The following CERKL variants were observed in gnomAD, a reference collection of about 807,000 sequenced individuals.
CERKL encodes ceramide kinase-like protein.
A neutral mutation model predicts 63.4 loss-of-function variants in CERKL; 61 were observed. The ratio of observed to expected loss-of-function variants is 0.96; its 90% confidence interval spans 0.78 to 1.19. The LOEUF is 1.19. CERKL is among the 50% of genes most tolerant of loss of function. The pLI is 0.00. For missense variants in CERKL, 675 were observed against 655.5 expected (o/e 1.03, Z -0.33); for synonymous variants, 250 against 230.5 (o/e 1.08, Z -0.77).
intron 3 of CERKL, among the ~76,000 whole-genome samples, chr2:181,572,709 C>A (rs763410252): frequency 1.7e-4 from 26 of 151,208 alleles, no homozygotes; most frequent in Non-Finnish European, 2.9e-4. Flanking sequence ...TTGAGTTTTT[C>A]ATGGTAGTTT....
intron 2 of CERKL, among the ~76,000 whole-genome samples, chr2:181,600,122 G>C (rs1456606906): frequency 1.3e-5 from 2 of 152,122 alleles, no homozygotes; most frequent in African/African-American, 4.8e-5. Context: ...ATAAATGAAG[G>C]AGAAATAAAG....
intron 1 of CERKL, among the ~76,000 whole-genome samples, chr2:181,636,239 A>G (rs1344003210): frequency 6.6e-6 from 1 of 152,182 alleles, no homozygotes; most frequent in East Asian, 1.9e-4. Flanking sequence ...CGCAGCGTCT[A>G]CTATCTATCC....
intron 1 of CERKL, among the ~76,000 whole-genome samples, chr2:181,636,531 T>A (rs1306820886): frequency 6.6e-6 from 1 of 152,048 alleles, no homozygotes; most frequent in Non-Finnish European, 1.5e-5. Context: ...CTTCCTCAAT[T>A]TTCAGGTTGA....
intron 1 of CERKL, among the ~76,000 whole-genome samples, chr2:181,654,733 AATATATC>A (rs59939380): frequency 0.097 from 14,710 of 152,114 alleles, 863 homozygotes; most frequent in East Asian, 0.16. Flanking sequence ...CTAACATTTA[AATATATC>A]ATCTCTTAAT....
chr2:181,601,736 T>A (rs1297190732), intron 2 of CERKL, among the ~76,000 whole-genome samples: 1 of 152,226 alleles, frequency 6.6e-6, no homozygotes, highest in Non-Finnish European at 1.5e-5. Flanking sequence ...TCCACTTTGG[T>A]GCAGAGATGG....
At chr2:181,624,212 T>A (rs1006574169) in intron 1 of CERKL, among the ~76,000 whole-genome samples, 1 of 152,100 alleles carries the variant, frequency 6.6e-6, no homozygotes, top group Admixed American at 6.6e-5. Context: ...AGAAGAACGA[T>A]GTGCTCTAAT....
At chr2:181,629,960 T>TG (rs1333845106) in intron 1 of CERKL, among the ~76,000 whole-genome samples, 5 of 101,754 alleles carry the variant, frequency 4.9e-5, no homozygotes, top group African/African-American at 9.8e-5. Context: ...ACCATTGTCT[T>TG]GGAAAAAAAA....
chr2:181,556,135 C>A (rs1489846744), intron 5 of CERKL, among the ~76,000 whole-genome samples: 4 of 152,010 alleles, frequency 2.6e-5, no homozygotes, highest in Non-Finnish European at 4.4e-5. Context: ...AAATTCAAGT[C>A]CAGTCTCTCT....
chr2:181,608,626 C>T (rs1685824503), intron 1 of CERKL, among the ~76,000 whole-genome samples: 1 of 152,062 alleles, frequency 6.6e-6, no homozygotes, highest in African/African-American at 2.4e-5. Context: ...AAACCAAAAG[C>T]CAACATCACA....
intron 1 of CERKL, among the ~76,000 whole-genome samples, chr2:181,634,987 T>C (rs1206406840): frequency 6.6e-6 from 1 of 152,176 alleles, no homozygotes; most frequent in African/African-American, 2.4e-5. Flanking sequence ...CTGAAAATCT[T>C]TGAAAAGTAA....
At position 181,577,565 on chromosome 2, in the gene CERKL, T is replaced by C. The variant is rs567283626; in HGVS notation, c.482-3681A>G. 6.6e-5 allele frequency among the ~76,000 whole-genome samples: 10 copies of C among 152,226 alleles called. No individual in the cohort carries two copies. In the East Asian group the frequency reaches 1.9e-3, roughly 29 times the overall value. On this transcript the variant is annotated intron_variant, in intron 2 of 12. Transcript: ENST00000410087. ...TACAACAAGAATGTGGGGGAAATAC[T>C]TAGAAAGGAGGTTGAAAATAAAGGA... is the stretch of plus-strand genomic sequence containing the variant.
chr2:181,635,755 T>A (rs1433984529), intron 1 of CERKL, among the ~76,000 whole-genome samples: 1 of 152,160 alleles, frequency 6.6e-6, no homozygotes, highest in African/African-American at 2.4e-5. Flanking sequence ...AATACCAACA[T>A]GGATATTTTA....
intron 12 of CERKL, among the ~76,000 whole-genome samples, chr2:181,538,465 T>C (rs1687314286): frequency 1.3e-5 from 2 of 152,202 alleles, no homozygotes; most frequent in East Asian, 3.9e-4. Flanking sequence ...TGTCCAATGC[T>C]CTCCATTACC....
chr2:181,650,393 C>T (rs1369651092), intron 1 of CERKL, among the ~76,000 whole-genome samples: 1 of 152,044 alleles, frequency 6.6e-6, no homozygotes, highest in African/African-American at 2.4e-5. Flanking sequence ...GTATTAAATG[C>T]CCATATCAAA....
intron 2 of CERKL, among the ~76,000 whole-genome samples, chr2:181,597,909 G>C (rs1168434852): frequency 1.3e-5 from 2 of 152,120 alleles, no homozygotes; most frequent in Non-Finnish European, 2.9e-5. Flanking sequence ...ATAAGGGAGA[G>C]GGACACAACT....
Position 181,538,177 on chromosome 2 carries a change from T to C in CERKL, c.*7A>G. The C allele has an allele frequency of 6.5e-7, 1 of 1,544,274 alleles. No homozygotes were observed. The highest frequency in any genetic ancestry group is 8.9e-7 in the Non-Finnish European group (1 of 1,118,174). ...GTTTGTACATTTCTTTTAGAAACAA[T>C]TACATGTTACTTTGGAATCATTTCT... On this transcript the variant is annotated 3_prime_UTR_variant, in exon 13 of 13. Transcript: ENST00000410087.
intron 1 of CERKL, among the ~76,000 whole-genome samples, chr2:181,611,025 C>T (rs1559104751): frequency 6.6e-6 from 1 of 151,960 alleles, no homozygotes; most frequent in East Asian, 1.9e-4. Context: ...GAGTTTGAGA[C>T]CAGCCTGACC....
intron 1 of CERKL, among the ~76,000 whole-genome samples, chr2:181,628,329 A>T (rs973937932): frequency 9.9e-5 from 15 of 152,160 alleles, no homozygotes; most frequent in South Asian, 2.1e-4. Context: ...TACTTTACCT[A>T]TTGGGAGAAG....
chr2:181,615,537 C>A (rs573344490), intron 1 of CERKL, among the ~76,000 whole-genome samples: 1 of 152,230 alleles, frequency 6.6e-6, no homozygotes, highest in Non-Finnish European at 1.5e-5. Context: ...GAAAAACAGG[C>A]CTGCCTGATA....
Sources: allele counts gnomAD v4.1 joint callset (sites outside exome capture counted in the v4.1 genomes callset), GRCh38; gene constraint gnomAD v4.1.1; transcripts MANE v1.5; gene names NCBI Gene and HGNC (gene_info 2026-07-23, HGNC 2026-07-21).